SLC41A2: variants seen among roughly 807,000 people sequenced by gnomAD.
SLC41A2 encodes the protein SLC41A1-like 1.
SLC41A2 carries 32 observed loss-of-function variants against 58.3 expected under a neutral mutation model. The observed-to-expected ratio is 0.55, with a 90% CI of 0.41 to 0.74. The LOEUF is 0.74. SLC41A2 is among the 30% of genes least tolerant of loss of function. SLC41A2 has a pLI of 0.00. For missense variants in SLC41A2, 514 were observed against 680.6 expected (o/e 0.76, Z 2.72); for synonymous variants, 190 against 235.0 (o/e 0.81, Z 1.75).
At chr12:104,817,277 G>T (rs1008301485) in intron 10 of SLC41A2, among the ~76,000 whole-genome samples, 3 of 152,194 alleles carry the variant, frequency 2.0e-5, no homozygotes, top group Non-Finnish European at 4.4e-5. Flanking sequence ...AAGATTGCAG[G>T]ACTGGAAGTT....
chr12:104,817,989 A>G (rs967600013), intron 10 of SLC41A2, among the ~76,000 whole-genome samples: 16 of 152,220 alleles, frequency 1.1e-4, no homozygotes, highest in Non-Finnish European at 2.4e-4. Flanking sequence ...AAATGTTCTC[A>G]TCACAAAAAA....
At chr12:104,855,689 T>A (rs1364655415) in intron 8 of SLC41A2, among the ~76,000 whole-genome samples, 1 of 152,222 alleles carries the variant, frequency 6.6e-6, no homozygotes, top group Non-Finnish European at 1.5e-5. Flanking sequence ...GAATCCTTCT[T>A]GGCTACAATA....
chr12:104,941,819 G>A (rs902187191), intron 1 of SLC41A2, among the ~76,000 whole-genome samples: 11 of 152,210 alleles, frequency 7.2e-5, no homozygotes, highest in African/African-American at 1.7e-4. Context: ...AATGGCACAC[G>A]TATACCTATG....
Position 104,803,535 on chromosome 12 carries a change from T to C in SLC41A2, c.*1617A>G, listed in dbSNP as rs1373675550. ...ATATTTATAAACAACCTAATATTTA[T>C]ATAATAACACAAAGTTACAACTTAA... On this transcript the variant is annotated 3_prime_UTR_variant, in exon 11 of 11. Transcript: ENST00000258538. 1 of 152,180 alleles carries C rather than the reference T, an allele frequency of 6.6e-6. No individual in the cohort carries two copies. 9.4% of individuals were successfully genotyped at this position (152,180 alleles called of 1,614,324 possible).
At chr12:104,833,949 C>T in intron 10 of SLC41A2, 1 of 874,486 alleles carries the variant, frequency 1.1e-6, no homozygotes, top group Non-Finnish European at 1.4e-6. Context: ...TAAATCATAT[C>T]TGCAATGTCA....
chr12:104,896,699 G>T (rs757310865), intron 3 of SLC41A2, among the ~76,000 whole-genome samples: 39 of 152,186 alleles, frequency 2.6e-4, no homozygotes, highest in Admixed American at 1.5e-3. Context: ...AAAAGATCAA[G>T]AAAGGTAGGA....
At chr12:104,934,760 G>A (rs902519532) in intron 1 of SLC41A2, among the ~76,000 whole-genome samples, 4 of 152,122 alleles carry the variant, frequency 2.6e-5, no homozygotes, top group African/African-American at 7.2e-5. Flanking sequence ...AGGACATTAC[G>A]CTAATTGAAA....
chr12:104,843,964 T>C (rs1157625936), intron 10 of SLC41A2, among the ~76,000 whole-genome samples: 1 of 152,134 alleles, frequency 6.6e-6, no homozygotes, highest in Admixed American at 6.6e-5. Flanking sequence ...ACCTACCTTC[T>C]AGCCTCCTTC....
At chr12:104,825,821 C>T (rs957536359) in intron 10 of SLC41A2, among the ~76,000 whole-genome samples, 1 of 152,156 alleles carries the variant, frequency 6.6e-6, no homozygotes, top group Non-Finnish European at 1.5e-5. Context: ...TGAAACCCAC[C>T]CCACAGAAGG....
intron 10 of SLC41A2, among the ~76,000 whole-genome samples, chr12:104,840,884 A>G (rs2042385963): frequency 1.3e-5 from 2 of 152,218 alleles, no homozygotes; most frequent in African/African-American, 2.4e-5. Flanking sequence ...TTCAAATTTA[A>G]GTTGGCTTTT....
intron 1 of SLC41A2, among the ~76,000 whole-genome samples, chr12:104,957,706 G>A (rs2048219576): frequency 6.6e-6 from 1 of 152,220 alleles, no homozygotes; most frequent in South Asian, 2.1e-4. Flanking sequence ...GGGCACTCGC[G>A]GAGCCCTGAA....
chr12:104,944,420 G>A (rs1051254322), intron 1 of SLC41A2, among the ~76,000 whole-genome samples: 1 of 152,182 alleles, frequency 6.6e-6, no homozygotes, highest in Non-Finnish European at 1.5e-5. Flanking sequence ...TGCACTTTCC[G>A]TAAATCAGTT....
intron 3 of SLC41A2, 78 bp from the exon 4 acceptor site, chr12:104,895,423 CTT>C: frequency 1.0e-6 from 1 of 972,712 alleles, no homozygotes; most frequent in Non-Finnish European, 1.6e-6. Context: ...CACATGAAAT[CTT>C]AAAGCCCAAA....
intron 10 of SLC41A2, among the ~76,000 whole-genome samples, chr12:104,843,799 C>T (rs2042506218): frequency 2.6e-5 from 4 of 152,076 alleles, no homozygotes; most frequent in Admixed American, 2.6e-4. Flanking sequence ...ATCAAAAGAA[C>T]AAATATCATA....
At chr12:104,922,236 G>A (rs377588532) in intron 2 of SLC41A2, among the ~76,000 whole-genome samples, 1 of 152,068 alleles carries the variant, frequency 6.6e-6, no homozygotes, top group African/African-American at 2.4e-5. Context: ...GGCTACATGG[G>A]TAAAGAAACA....
chr12:104,921,900 T>A (rs547987667), intron 2 of SLC41A2, among the ~76,000 whole-genome samples: 1 of 152,300 alleles, frequency 6.6e-6, no homozygotes, highest in East Asian at 1.9e-4. Flanking sequence ...GTGTAGAGTT[T>A]CTTAGTTTTT....
chr12:104,835,363 T>C (rs1390541961), intron 10 of SLC41A2, among the ~76,000 whole-genome samples: 1 of 152,206 alleles, frequency 6.6e-6, no homozygotes, highest in African/African-American at 2.4e-5. Context: ...CTCTTTATCA[T>C]CTGTTCTTTA....
chr12:104,951,139 T>C lies in SLC41A2; in HGVS notation c.-168+6949A>G, dbSNP rs1466981853. ...TTTCAAATGGATTCCCATATTTTAG[T>C]AAATAATTTCCCTATAGCAGGACAT... On this transcript the variant is annotated intron_variant, in intron 1 of 10. Coordinates refer to ENST00000258538, the MANE Select transcript of SLC41A2 (RefSeq NM_001352171.3). Among the ~76,000 whole-genome samples the C allele has an allele frequency of 4.6e-5, 7 of 152,230 alleles. No individual in the cohort carries two copies. In the East Asian group the frequency reaches 1.3e-3, roughly 29 times the overall value.
intron 8 of SLC41A2, among the ~76,000 whole-genome samples, chr12:104,846,210 G>C (rs1397699713): frequency 6.6e-6 from 1 of 152,146 alleles, no homozygotes; most frequent in Admixed American, 6.6e-5. Context: ...GCAGACCAGA[G>C]CAGGTAATTT....
Sources: gnomAD v4.1 joint callset for allele counts (sites outside exome capture counted in the v4.1 genomes callset) on GRCh38, gnomAD v4.1.1 for gene constraint, MANE v1.5 for transcripts, NCBI Gene and HGNC (gene_info 2026-07-23, HGNC 2026-07-21) for gene names.